IL17RA: variants seen among roughly 807,000 people sequenced by gnomAD.
IL17RA encodes the protein interleukin-17 receptor A.
IL17RA carries 34 observed loss-of-function variants against 50.4 expected under a neutral mutation model. That is an observed-to-expected ratio of 0.67 (90% confidence interval 0.51 to 0.90). The LOEUF (loss-of-function observed/expected upper bound fraction) is 0.90, where lower values mean the gene tolerates loss of function less well. Among genes scored for constraint, IL17RA ranks in the 40% least tolerant of loss-of-function variants. IL17RA has a pLI of 0.00. For missense variants in IL17RA, 1,276 were observed against 1,169.8 expected, an observed-to-expected ratio of 1.09 and a Z score of -1.32; for synonymous variants, 585 against 510.4, an observed-to-expected ratio of 1.15 and a Z score of -1.97.
At chr22:17,096,606 C>G (rs1001577926) in intron 1 of IL17RA, among the ~76,000 whole-genome samples, 1 of 152,030 alleles carries the variant, frequency 6.6e-6, no homozygotes, top group Non-Finnish European at 1.5e-5. Flanking sequence ...CGCGGTGGCT[C>G]ACGCTTGTAA....
At position 17,108,772 on chromosome 22, in the gene IL17RA, G is replaced by T; in HGVS notation, c.1553G>T (p.Gly518Val). The change falls in exon 13 of 13, where the codon GGC becomes GTC. Residue 518 changes from glycine to valine, a missense_variant. Transcript: ENST00000319363. ...GACGGCGACGTCCCCGACCTGTTCGGCGCGGCGCCGCGGTACCCGCTCATG... is the reference window on the plus strand; with the variant it reads ...GACGGCGACGTCCCCGACCTGTTCGTCGCGGCGCCGCGGTACCCGCTCATG... Reference protein sequence around the residue: ...SCDGDVPDLFGAAPRYPLMDR... With the variant: ...SCDGDVPDLFVAAPRYPLMDR... The T allele has an allele frequency of 1.2e-6, 2 of 1,607,528 alleles. No homozygotes were observed. Among genetic ancestry groups the T allele is most frequent in the Non-Finnish European group, 1.7e-6 (2 of 1,177,282 alleles).
chr22:17,109,973 C>T lies in IL17RA; in HGVS notation c.*153C>T. On this transcript the variant is annotated 3_prime_UTR_variant, in exon 13 of 13. Coordinates refer to ENST00000319363, the MANE Select transcript of IL17RA (RefSeq NM_014339.7). Reference sequence around the variant, plus strand: ...TGTCTGGATTTTAATCCCAGGCATCCCTCCTAACTTTTCTTTGTGCAGCGG... The same window carrying T: ...TGTCTGGATTTTAATCCCAGGCATCTCTCCTAACTTTTCTTTGTGCAGCGG... 2.5e-6 allele frequency: 2 copies of T among 799,488 alleles called. No individual in the cohort carries two copies. Among genetic ancestry groups the T allele is most frequent in the South Asian group, 3.6e-5 (2 of 56,278 alleles). The allele number at this position is 799,488 out of a possible 1,614,324, so 49.5% of individuals were successfully genotyped here.
rs766898199 is a variant in IL17RA at position 17,105,622 on chromosome 22, C to G, written c.943+20C>G. The G allele has an allele frequency of 6.2e-7, 1 of 1,612,786 alleles. No individual in the cohort carries two copies. ...TTCCGGGTAAGCTTGGATCTCTCTC[C>G]GACAGCACTGCAGCCCTCAGGGGAC... On this transcript the variant is annotated intron_variant, in intron 10 of 12. Transcript: ENST00000319363.
intron 7 of IL17RA, 139 bp from the exon 8 acceptor site, chr22:17,103,355 A>G: frequency 1.4e-6 from 1 of 713,710 alleles, no homozygotes; most frequent in Non-Finnish European, 2.5e-6. Context: ...TCTGGAATAG[A>G]AACCTGAAAA....
At position 17,109,691 on chromosome 22, in the gene IL17RA, G is replaced by A. The variant is rs868722418; in HGVS notation, c.2472G>A (p.Pro824=). The change falls in exon 13 of 13, where the codon CCG becomes CCA. Residue 824 remains proline (P), a synonymous_variant. Transcript: ENST00000319363. ...EEEEEQDPGK[P]ALPLSPEDLE... The stretch of plus-strand genomic sequence containing the variant: ...AAGAGGAGCAGGACCCAGGGAAGCC[G>A]GCCCTGCCACTCTCTCCCGAGGACC... 9 of 1,578,290 alleles carry A rather than the reference G, an allele frequency of 5.7e-6. No homozygotes were observed. In the African/African-American group the frequency reaches 1.1e-4, roughly 19 times the overall value.
rs771961316 is a variant in IL17RA at position 17,109,365 on chromosome 22, G to A, written c.2146G>A (p.Val716Ile). 5.9e-5 allele frequency: 95 copies of A among 1,608,602 alleles called. 1 individual carries two copies. Among genetic ancestry groups the A allele is most frequent in the Middle Eastern group, 1.7e-4 (1 of 6,026 alleles). ...CAGCCCGGGCGCTGGGCGAAATAGCGTCCTCTTCCTCCCCGTGGACCCCGA... is the reference window on the plus strand; with the variant it reads ...CAGCCCGGGCGCTGGGCGAAATAGCATCCTCTTCCTCCCCGTGGACCCCGA... ...LGSPGAGRNS[V>I]LFLPVDPEDS... The change falls in exon 13 of 13, where the codon GTC (valine) becomes ATC (isoleucine). Residue 716 changes from valine (V) to isoleucine (I), a missense_variant. Coordinates refer to ENST00000319363, the MANE Select transcript of IL17RA (RefSeq NM_014339.7).
intron 5 of IL17RA, 78 bp downstream of exon 5, chr22:17,100,559 C>G: frequency 6.4e-7 from 1 of 1,560,460 alleles, no homozygotes; most frequent in Non-Finnish European, 8.8e-7. Context: ...AGATGCCAGC[C>G]CCCCTGCTCA....
chr22:17,092,379 A>T (rs2061351152), intron 1 of IL17RA, among the ~76,000 whole-genome samples: 1 of 152,192 alleles, frequency 6.6e-6, no homozygotes, highest in Non-Finnish European at 1.5e-5. Flanking sequence ...AGAGAGGAGC[A>T]TGAGAATCTC....
chr22:17,097,486 A>G, intron 2 of IL17RA: 2 of 532,832 alleles, frequency 3.8e-6, no homozygotes, highest in Non-Finnish European at 6.8e-6. Context: ...ACATATAACA[A>G]TAAAGCAGCT....
rs751510286 is a variant in IL17RA, at chr22:17,100,370, A to T, written c.439A>T (p.Ser147Cys). Residue 147 changes from serine (S) to cysteine (C), a missense_variant, in exon 5 of 13, where the codon AGC becomes TGC. Transcript: ENST00000319363. ...HHHRRWRFTFSHFVVDPDQEY... is the reference protein window; with the variant it reads ...HHHRRWRFTFCHFVVDPDQEY... ...TTCTCTTCAGTGGCGTTTTACCTTC[A>T]GCCACTTTGTGGTTGACCCTGACCA... is the stretch of plus-strand genomic sequence containing the variant. The T allele has an allele frequency of 6.2e-7, 1 of 1,614,044 alleles. No individual in the cohort carries two copies. The highest frequency in any genetic ancestry group is 8.5e-7 in the Non-Finnish European group (1 of 1,180,000).
In IL17RA at chr22:17,114,669, C is replaced by G. The variant is rs886057239; in HGVS notation, c.*4849C>G. On this transcript the variant is annotated 3_prime_UTR_variant, in exon 13 of 13. Coordinates refer to ENST00000319363, the MANE Select transcript of IL17RA (RefSeq NM_014339.7). ...TGCACGGGTGTCCCACTGGCCGCCT[C>G]TGCTCACCAGTGTCATGGGATTCTC... 2.0e-4 allele frequency: 30 copies of G among 152,218 alleles called. No homozygotes were observed. Among genetic ancestry groups the G allele is most frequent in the African/African-American group, 5.8e-4 (24 of 41,436 alleles). The allele number at this position is 152,218 out of a possible 1,614,324, so 9.4% of individuals were successfully genotyped here.
chr22:17,102,389 C>T (rs780688927), intron 7 of IL17RA, 87 bp downstream of exon 7: 12 of 1,471,994 alleles, frequency 8.2e-6, no homozygotes, highest in South Asian at 4.6e-5. Flanking sequence ...CTGACAGAAC[C>T]GCGTTGCTAG....
At position 17,092,124 on chromosome 22, in the gene IL17RA, G is replaced by A. The variant is rs41537648; in HGVS notation, c.139-4938G>A. ...CTGAAGGCCCCCTGAAGTTGCAATGGCCAGTGGTTTAATCAGTCATGCTCA... is the reference window on the plus strand; with the variant it reads ...CTGAAGGCCCCCTGAAGTTGCAATGACCAGTGGTTTAATCAGTCATGCTCA... On this transcript the variant is annotated intron_variant, in intron 1 of 12. Coordinates refer to ENST00000319363, the MANE Select transcript of IL17RA (RefSeq NM_014339.7). Among the ~76,000 whole-genome samples, 356 of 152,194 alleles carry A rather than the reference G, an allele frequency of 2.3e-3. 3 individuals are homozygous for A. The highest frequency in any genetic ancestry group is 7.9e-3 in the African/African-American group (329 of 41,500).
intron 9 of IL17RA, 72 bp from the exon 10 acceptor site, chr22:17,105,519 A>G: frequency 6.9e-7 from 1 of 1,459,814 alleles, no homozygotes; most frequent in Admixed American, 1.7e-5. Flanking sequence ...AAGGGACGTC[A>G]GTTGTGTTTC....
chr22:17,105,689 C>G, intron 10 of IL17RA, 87 bp downstream of exon 10: 1 of 1,517,466 alleles, frequency 6.6e-7, no homozygotes, highest in Non-Finnish European at 9.1e-7. Flanking sequence ...CTCAGCCAGG[C>G]AGACAAGGCT....
intron 7 of IL17RA, among the ~76,000 whole-genome samples, 172 bp from the exon 8 acceptor site, chr22:17,103,322 T>C (rs1490886685): frequency 3.3e-5 from 5 of 152,154 alleles, no homozygotes; most frequent in Non-Finnish European, 5.9e-5. Flanking sequence ...TAAACCAGCT[T>C]CCATGCAGAA....
chr22:17,107,475 G>C (rs2061419154), intron 11 of IL17RA, among the ~76,000 whole-genome samples: 1 of 152,246 alleles, frequency 6.6e-6, no homozygotes. Context: ...TTAAACAAGA[G>C]CAAATACAGA....
intron 1 of IL17RA, among the ~76,000 whole-genome samples, chr22:17,091,472 T>G (rs75210115): frequency 2.0e-5 from 3 of 152,018 alleles, no homozygotes; most frequent in Non-Finnish European, 4.4e-5. Context: ...GTCAGGAGAT[T>G]GAGACCATCC....
rs1385518980 is a variant in IL17RA at position 17,109,480 on chromosome 22, C to G, written c.2261C>G (p.Ser754Trp). 1.2e-6 allele frequency: 2 copies of G among 1,611,398 alleles called. No homozygotes were observed. Among genetic ancestry groups the G allele is most frequent in the South Asian group, 1.1e-5 (1 of 90,606 alleles). ...GAGCACCTCGAAGGCTTGATGCTCTCGCTCTTCGAGCAGAGTCTGAGCTGC... is the reference window on the plus strand; with the variant it reads ...GAGCACCTCGAAGGCTTGATGCTCTGGCTCTTCGAGCAGAGTCTGAGCTGC... ...VREHLEGLML[S>W]LFEQSLSCQA... is the part of the protein sequence containing the mutation. Residue 754 changes from serine (S) to tryptophan (W), a missense_variant, in exon 13 of 13, where the codon TCG (serine) becomes TGG (tryptophan). Transcript: ENST00000319363.
Sources: gnomAD v4.1 joint callset for allele counts (sites outside exome capture counted in the v4.1 genomes callset) on GRCh38, gnomAD v4.1.1 for gene constraint, MANE v1.5 for transcripts, NCBI Gene and HGNC (gene_info 2026-07-23, HGNC 2026-07-21) for gene names.